RPS6KB1: variants seen among roughly 807,000 people sequenced by gnomAD.
The protein encoded by RPS6KB1 is ribosomal protein S6 kinase beta-1.
A neutral mutation model predicts 70.2 loss-of-function variants in RPS6KB1; 12 were observed. That is an observed-to-expected ratio of 0.17 (90% CI 0.11 to 0.28). The LOEUF (loss-of-function observed/expected upper bound fraction) is 0.28, where lower values mean the gene tolerates loss of function less well. RPS6KB1 is among the 10% of genes least tolerant of loss of function. RPS6KB1 has a pLI of 1.00. For synonymous variants in RPS6KB1, 175 were observed against 211.2 expected (o/e 0.83, Z 1.49); for missense variants, 270 against 646.6 (o/e 0.42, Z 6.32).
At chr17:59,933,927 TTTTTCTCTATCTTTA>T (rs1413445247) in intron 7 of RPS6KB1, among the ~76,000 whole-genome samples, 16 of 152,180 alleles carry the variant, frequency 1.1e-4, no homozygotes, top group Admixed American at 1.0e-3. Flanking sequence ...TTATTTCACT[TTTTTCTCTATCTTTA>T]TTTTCTCTTT....
chr17:59,909,014 C>T (rs2042450259), intron 1 of RPS6KB1, among the ~76,000 whole-genome samples: 1 of 149,482 alleles, frequency 6.7e-6, no homozygotes, highest in African/African-American at 2.5e-5. Context: ...GCCATCTCTG[C>T]CTTCCAGGTT....
intron 5 of RPS6KB1, among the ~76,000 whole-genome samples, chr17:59,929,377 G>A (rs1326410100): frequency 6.6e-6 from 1 of 152,218 alleles, no homozygotes; most frequent in Non-Finnish European, 1.5e-5. Context: ...GGGATTACAG[G>A]CGTAAGCCAC....
intron 6 of RPS6KB1, chr17:59,930,852 T>C (rs2043888870): frequency 6.6e-6 from 1 of 152,208 alleles, no homozygotes; most frequent in African/African-American, 2.4e-5. Flanking sequence ...GAAGTGCCCT[T>C]TTTTGGAGGA....
At chr17:59,901,505 T>G (rs985786818) in intron 1 of RPS6KB1, among the ~76,000 whole-genome samples, 3 of 149,938 alleles carry the variant, frequency 2.0e-5, no homozygotes, top group Non-Finnish European at 4.4e-5. Flanking sequence ...AAAGAAATTT[T>G]GGGGCTGGGC....
At chr17:59,942,083 C>T (rs1044838705) in intron 13 of RPS6KB1, among the ~76,000 whole-genome samples, 1 of 152,068 alleles carries the variant, frequency 6.6e-6, no homozygotes. Context: ...TAGTTTTGAT[C>T]TCCTGACCTC....
At position 59,946,573 on chromosome 17, in the gene RPS6KB1, G is replaced by A; in HGVS notation, c.1363G>A (p.Asp455Asn). 6.2e-7 allele frequency: 1 copy of A among 1,614,118 alleles called. No individual in the cohort carries two copies. The highest frequency in any genetic ancestry group is 8.5e-7 in the Non-Finnish European group (1 of 1,180,004). Reference protein sequence around the residue: ...PVSPVKFSPGDFWGRGASAST... With the variant: ...PVSPVKFSPGNFWGRGASAST... ...AAGCCCAGTCAAATTTTCTCCTGGGGATTTCTGGGGAAGAGGTGCTTCGGC... is the reference window on the plus strand; with the variant it reads ...AAGCCCAGTCAAATTTTCTCCTGGGAATTTCTGGGGAAGAGGTGCTTCGGC... The change falls in exon 15 of 15, where the codon GAT becomes AAT. Residue 455 changes from aspartate to asparagine, a missense_variant. Asp to Asn is a conservative substitution (Grantham distance 23, BLOSUM62 1). Coordinates refer to ENST00000225577, the MANE Select transcript of RPS6KB1 (RefSeq NM_003161.4). This position sits in a 1 kb window ranked among gnomAD's most constrained non-coding sequence, Gnocchi z 4.2.
rs2044129661 is a variant in RPS6KB1 at position 59,934,618 on chromosome 17, T to C, written c.870+94T>C. The C allele has an allele frequency of 4.4e-6, 4 of 910,500 alleles. No homozygotes were observed. Among genetic ancestry groups the C allele is most frequent in the Non-Finnish European group, 6.9e-6 (4 of 583,154 alleles). The allele number at this position is 910,500 out of a possible 1,614,324, so 56.4% of individuals were successfully genotyped here. ...CTGTGCTTTCTGAACATGTTACCAG[T>C]GGAGTTTTCAAAGCCCAAAGATTTG... is the stretch of plus-strand genomic sequence containing the variant. On this transcript the variant is annotated intron_variant, in intron 9 of 14. Transcript: ENST00000225577. The surrounding 1 kb of genome is among the most constrained non-coding windows in gnomAD (Gnocchi z 4.8).
chr17:59,897,883 T>C (rs1022537889), intron 1 of RPS6KB1, among the ~76,000 whole-genome samples: 1 of 151,150 alleles, frequency 6.6e-6, no homozygotes, highest in Admixed American at 6.6e-5. Flanking sequence ...GAGAATCTCT[T>C]GAACCTGGGA....
rs188215313 is a variant in RPS6KB1, at chr17:59,918,047, C to T, written c.381+3344C>T. Among the ~76,000 whole-genome samples, 538 of 152,168 alleles carry T rather than the reference C, an allele frequency of 3.5e-3. 2 individuals are homozygous for T. The highest frequency in any genetic ancestry group is 5.1e-3 in the Non-Finnish European group (345 of 68,004). ...CTCCTGGGTTCAAGCGATTCCCCTG[C>T]CTCAGCCTCCCGAGTAGCTGGGATT... On this transcript the variant is annotated intron_variant, in intron 4 of 14. Transcript: ENST00000225577.
intron 4 of RPS6KB1, among the ~76,000 whole-genome samples, chr17:59,926,100 G>A (rs531670992): frequency 6.6e-6 from 1 of 152,196 alleles, no homozygotes; most frequent in Admixed American, 6.6e-5. Context: ...CTATGGACAG[G>A]GCATTCCTTC....
At chr17:59,940,275 C>CTTTTTTTTTT (rs559026454) in intron 12 of RPS6KB1, among the ~76,000 whole-genome samples, 1 of 81,490 alleles carries the variant, frequency 1.2e-5, no homozygotes, top group African/African-American at 4.3e-5. Flanking sequence ...GATATATTCA[C>CTTTTTTTTTT]TTTTTTTTTT....
chr17:59,902,310 A>T (rs1275315998), intron 1 of RPS6KB1, among the ~76,000 whole-genome samples: 1 of 151,712 alleles, frequency 6.6e-6, no homozygotes, highest in East Asian at 1.9e-4. Flanking sequence ...TTGCCATGTT[A>T]GCCAGGCTGG....
chr17:59,936,691 T>G, intron 12 of RPS6KB1, 150 bp downstream of exon 12: 1 of 658,268 alleles, frequency 1.5e-6, no homozygotes, highest in Admixed American at 2.7e-5. Flanking sequence ...ACAAAACATT[T>G]AAAAGTTAGC....
At chr17:59,940,400 C>T (rs1483357854) in intron 12 of RPS6KB1, among the ~76,000 whole-genome samples, 1 of 150,650 alleles carries the variant, frequency 6.6e-6, no homozygotes, top group Non-Finnish European at 1.5e-5. Context: ...AATTCTCCTG[C>T]CTCATCCTCC....
At chr17:59,923,716 G>A (rs1185209361) in intron 4 of RPS6KB1, among the ~76,000 whole-genome samples, 4 of 151,710 alleles carry the variant, frequency 2.6e-5, no homozygotes. Flanking sequence ...CATCATCTTG[G>A]CCAGGCTGGT....
At position 59,950,333 on chromosome 17, in the gene RPS6KB1, C is replaced by T. The variant is rs919172663; in HGVS notation, c.*3545C>T. On this transcript the variant is annotated 3_prime_UTR_variant, in exon 15 of 15. Transcript: ENST00000225577. ...GAGTGCTATGAGGGTAACACCTGTT[C>T]TGCTTTTCATCTTGTATTTAGTTGA... 1 of 152,546 alleles carries T rather than the reference C, an allele frequency of 6.6e-6. No individual in the cohort carries two copies. The highest frequency in any genetic ancestry group is 6.6e-5 in the Admixed American group (1 of 15,266). The allele number at this position is 152,546 out of a possible 1,614,324, so 9.4% of individuals were successfully genotyped here.
chr17:59,936,422 G>A (rs777903095), intron 11 of RPS6KB1, 42 bp from the exon 12 acceptor site: 14 of 1,586,478 alleles, frequency 8.8e-6, no homozygotes, highest in African/African-American at 1.3e-5. Flanking sequence ...ATCCAGCAAA[G>A]TCTAGTCCCC....
At chr17:59,926,022 C>T (rs1340794081) in intron 4 of RPS6KB1, among the ~76,000 whole-genome samples, 1 of 152,236 alleles carries the variant, frequency 6.6e-6, no homozygotes, top group East Asian at 1.9e-4. Context: ...CCTTACCATC[C>T]TGCACTTGCC....
intron 4 of RPS6KB1, among the ~76,000 whole-genome samples, chr17:59,921,115 A>G (rs2043241668): frequency 4.6e-5 from 7 of 152,162 alleles, no homozygotes; most frequent in Admixed American, 4.6e-4. Flanking sequence ...TGGCACAGGT[A>G]TCTAGTGAAA....
Sources: allele counts gnomAD v4.1 joint callset (sites outside exome capture counted in the v4.1 genomes callset), GRCh38; gene constraint gnomAD v4.1.1; non-coding constraint Gnocchi (gnomAD v3.1); transcripts MANE v1.5; gene names NCBI Gene and HGNC (gene_info 2026-07-23, HGNC 2026-07-21).